EXOC6B: variants seen among roughly 807,000 people sequenced by gnomAD.
EXOC6B encodes exocyst complex component 6B, also known as SEC15 homolog B.
A neutral mutation model predicts 113.5 loss-of-function variants in EXOC6B; 54 were observed. The ratio of observed to expected loss-of-function variants is 0.48; its 90% CI spans 0.38 to 0.60. The LOEUF is 0.60. Among genes scored for constraint, EXOC6B ranks in the 20% least tolerant of loss-of-function variants. The pLI, the probability that EXOC6B is intolerant of heterozygous loss-of-function variation, is 0.00. For synonymous variants in EXOC6B, 357 were observed against 339.0 expected (o/e 1.05, Z -0.58); for missense variants, 797 against 977.5 (o/e 0.82, Z 2.46).
chr2:72,767,814 A>AAAAAAAAAAAAAAAAAAAAAAC (rs1683167470), intron 1 of EXOC6B, among the ~76,000 whole-genome samples: 1 of 130,022 alleles, frequency 7.7e-6, no homozygotes, highest in Non-Finnish European at 1.6e-5. Flanking sequence ...TTGTTAAAAA[A>AAAAAAAAAAAAAAAAAAAAAAC]AAAAAAAAAA....
chr2:72,280,844 C>T (rs1685085811), intron 20 of EXOC6B, among the ~76,000 whole-genome samples: 1 of 152,006 alleles, frequency 6.6e-6, no homozygotes, highest in African/African-American at 2.4e-5. Context: ...TGCTGGCAAA[C>T]TCACAGCTGG....
chr2:72,588,999 T>TA (rs1705757933), intron 6 of EXOC6B, among the ~76,000 whole-genome samples: 1 of 151,738 alleles, frequency 6.6e-6, no homozygotes, highest in Non-Finnish European at 1.5e-5. Context: ...CATAGGAAAG[T>TA]AAAAAATTAA....
chr2:72,484,477 G>C (rs3115349), intron 16 of EXOC6B, among the ~76,000 whole-genome samples: 1 of 148,274 alleles, frequency 6.7e-6, no homozygotes, highest in Non-Finnish European at 1.5e-5. Flanking sequence ...TGAGGCAGGA[G>C]AATGTCGTGA....
chr2:72,233,339 T>C (rs991870081), intron 20 of EXOC6B, among the ~76,000 whole-genome samples: 1 of 151,906 alleles, frequency 6.6e-6, no homozygotes, highest in Non-Finnish European at 1.5e-5. Flanking sequence ...TGAGAAACCA[T>C]GTCGGGACCC....
intron 6 of EXOC6B, among the ~76,000 whole-genome samples, chr2:72,688,288 T>G (rs1299278298): frequency 2.3e-4 from 35 of 152,012 alleles, no homozygotes; most frequent in Admixed American, 2.2e-3. Context: ...TCCAAGAAAT[T>G]TACTTAGGAG....
At chr2:72,663,697 A>C (rs543453689) in intron 6 of EXOC6B, among the ~76,000 whole-genome samples, 1 of 152,234 alleles carries the variant, frequency 6.6e-6, no homozygotes, top group Admixed American at 6.5e-5. Flanking sequence ...GGGACTGGGA[A>C]AGGGAGGGGG....
At chr2:72,679,975 C>T (rs759625014) in intron 6 of EXOC6B, among the ~76,000 whole-genome samples, 5 of 152,034 alleles carry the variant, frequency 3.3e-5, no homozygotes, top group Non-Finnish European at 7.4e-5. Context: ...AAGAATACAA[C>T]ATAAATATAA....
At chr2:72,467,547 T>C (rs933553959) in intron 17 of EXOC6B, among the ~76,000 whole-genome samples, 1 of 152,184 alleles carries the variant, frequency 6.6e-6, no homozygotes, top group Non-Finnish European at 1.5e-5. Context: ...CATATATCAT[T>C]GTGGTTTTAG....
intron 6 of EXOC6B, among the ~76,000 whole-genome samples, chr2:72,641,160 G>C (rs576644680): frequency 6.6e-6 from 1 of 152,194 alleles, no homozygotes; most frequent in Non-Finnish European, 1.5e-5. Flanking sequence ...CAGAGAAGAC[G>C]GTGATTTTTG....
chr2:72,590,230 A>G (rs1573449149), intron 6 of EXOC6B, among the ~76,000 whole-genome samples: 1 of 152,150 alleles, frequency 6.6e-6, no homozygotes, highest in East Asian at 1.9e-4. Context: ...AGAAATTTTG[A>G]TTATGATCCA....
chr2:72,476,625 T>C (rs1231046886), intron 17 of EXOC6B, among the ~76,000 whole-genome samples: 1 of 151,120 alleles, frequency 6.6e-6, no homozygotes, highest in Non-Finnish European at 1.5e-5. Flanking sequence ...CTCTCTTTCC[T>C]TCCTTACTTT....
intron 1 of EXOC6B, among the ~76,000 whole-genome samples, chr2:72,791,700 C>T (rs1466671290): frequency 1.3e-5 from 2 of 151,958 alleles, no homozygotes; most frequent in Non-Finnish European, 2.9e-5. Context: ...TAGTCAATAC[C>T]CAAAGGATAT....
intron 6 of EXOC6B, among the ~76,000 whole-genome samples, chr2:72,643,048 C>A (rs1673387393): frequency 6.6e-6 from 1 of 152,054 alleles, no homozygotes; most frequent in Non-Finnish European, 1.5e-5. Flanking sequence ...AAATGCAAAT[C>A]AAAACCACAA....
intron 18 of EXOC6B, among the ~76,000 whole-genome samples, chr2:72,404,149 G>A (rs1371295480): frequency 6.6e-6 from 1 of 152,202 alleles, no homozygotes; most frequent in African/African-American, 2.4e-5. Context: ...CAAGGCAGCG[G>A]GGAGGCTGGG....
intron 20 of EXOC6B, among the ~76,000 whole-genome samples, chr2:72,225,811 T>C (rs1681200978): frequency 6.6e-6 from 1 of 152,220 alleles, no homozygotes; most frequent in African/African-American, 2.4e-5. Context: ...AGCACCTCTT[T>C]ATTAGTATCC....
intron 20 of EXOC6B, among the ~76,000 whole-genome samples, chr2:72,297,633 G>T (rs1356536746): frequency 6.6e-6 from 1 of 152,052 alleles, no homozygotes; most frequent in Non-Finnish European, 1.5e-5. Context: ...GCTTTCTCTT[G>T]TGGGCATTTA....
intron 8 of EXOC6B, among the ~76,000 whole-genome samples, chr2:72,545,244 A>C (rs1208630755): frequency 1.3e-5 from 2 of 152,120 alleles, no homozygotes; most frequent in Non-Finnish European, 2.9e-5. Context: ...GGTGAGATGC[A>C]CTGGCAAAAA....
At chr2:72,192,043 A>G (rs946618648) in intron 20 of EXOC6B, among the ~76,000 whole-genome samples, 1 of 152,152 alleles carries the variant, frequency 6.6e-6, no homozygotes, top group Non-Finnish European at 1.5e-5. Context: ...GTCTGTTACC[A>G]AATCAATTCA....
At chr2:72,619,179 CAGAG>C (rs139874004) in intron 6 of EXOC6B, among the ~76,000 whole-genome samples, 12,868 of 145,500 alleles carry the variant, frequency 0.088, 599 homozygotes, top group Non-Finnish European at 0.11. Context: ...AATACACAGC[CAGAG>C]AGAGAGAGAG....
Sources: allele counts gnomAD v4.1 joint callset (sites outside exome capture counted in the v4.1 genomes callset), GRCh38; gene constraint gnomAD v4.1.1; transcripts MANE v1.5; gene names NCBI Gene and HGNC (gene_info 2026-07-23, HGNC 2026-07-21).